Variants in MKRN1 observed in about 807,000 individuals in gnomAD.
MKRN1 encodes the protein makorin ring finger protein 1, also known as E3 ubiquitin-protein ligase makorin-1.
Under a neutral mutation model 55.5 loss-of-function variants are expected in MKRN1, and 9 were observed. The ratio of observed to expected loss-of-function variants is 0.16; its 90% CI spans 0.10 to 0.28. The LOEUF (loss-of-function observed/expected upper bound fraction) is 0.28. Among genes scored for constraint, MKRN1 ranks in the 10% least tolerant of loss-of-function variants. The pLI is 1.00. For missense variants in MKRN1, 488 were observed against 626.7 expected (o/e 0.78, Z 2.36); for synonymous variants, 253 against 235.9 (o/e 1.07, Z -0.66).
rs115927984 is a variant in MKRN1, at chr7:140,464,718, A to C, written c.315-4782T>G. Among the ~76,000 whole-genome samples the C allele has an allele frequency of 3.8e-3, 582 of 152,138 alleles. 3 individuals carry two copies. The highest frequency in any genetic ancestry group is 0.014 in the African/African-American group (560 of 41,460). On this transcript the variant is annotated intron_variant, in intron 2 of 7. Transcript: ENST00000255977. The stretch of plus-strand genomic sequence containing the variant: ...GAAACTCAGTCTCAAAAAAACAAAC[A>C]AACAAAACAAAACTCCCTGGTTTAA...
At chr7:140,476,510 GT>G (rs1246331250) in intron 1 of MKRN1, among the ~76,000 whole-genome samples, 2 of 141,974 alleles carry the variant, frequency 1.4e-5, no homozygotes, top group Non-Finnish European at 3.0e-5. Flanking sequence ...CATGTGTTCT[GT>G]TAAGTACTTT....
In MKRN1 at chr7:140,455,822, C is replaced by T; in HGVS notation, c.1065G>A (p.Gln355=). ...EYWVEEKEEK[Q]KLILKYKEAM... ...CCTCCTTGTATTTCAGAATGAGTTT[C>T]TGCTTCTCTTCTTTCTCCTCCACCC... The change falls in exon 6 of 8, where the codon CAG becomes CAA. Residue 355 remains glutamine (Q), a synonymous_variant. Coordinates refer to ENST00000255977, the MANE Select transcript of MKRN1 (RefSeq NM_013446.4). The T allele has an allele frequency of 6.2e-7, 1 of 1,613,960 alleles. No homozygotes were observed. Among genetic ancestry groups the T allele is most frequent in the Non-Finnish European group, 8.5e-7 (1 of 1,179,916 alleles).
At chr7:140,467,038 T>C (rs1436181993) in intron 2 of MKRN1, among the ~76,000 whole-genome samples, 1 of 151,332 alleles carries the variant, frequency 6.6e-6, no homozygotes, top group Non-Finnish European at 1.5e-5. Flanking sequence ...ACTGCAATGG[T>C]ACGATCTTGG....
intron 2 of MKRN1, among the ~76,000 whole-genome samples, chr7:140,465,124 C>T (rs1417570040): frequency 1.3e-5 from 2 of 152,144 alleles, no homozygotes; most frequent in African/African-American, 4.8e-5. Context: ...CAACTCCCAC[C>T]CCATTGCTTC....
intron 1 of MKRN1, among the ~76,000 whole-genome samples, chr7:140,477,701 G>A (rs1427559923): frequency 6.6e-6 from 1 of 151,990 alleles, no homozygotes; most frequent in East Asian, 1.9e-4. Context: ...CAGGCGATCC[G>A]CCCGCCTCAG....
chr7:140,479,225 C>T lies in MKRN1; in HGVS notation c.120G>A (p.Gly40=), dbSNP rs1408712595. 1.4e-6 allele frequency: 2 copies of T among 1,457,440 alleles called. No homozygotes were observed. The highest frequency in any genetic ancestry group is 1.5e-5 in the African/African-American group (1 of 67,104). The allele number at this position is 1,457,440 out of a possible 1,614,324, so 90.3% of individuals were successfully genotyped here. Residue 40 remains glycine, a synonymous_variant, in exon 1 of 8, where the codon GGG becomes GGA. Transcript: ENST00000255977. ...CGCTGCCGCCGCCCCCTCCGCCCGC[C>T]CCCAGGGACGGGGCGGTGACTGTGG... ...PIPTVTAPSL[G]AGGGGGGSDG... is the part of the protein sequence containing the mutation.
chr7:140,472,779 T>A (rs180887107), intron 1 of MKRN1, among the ~76,000 whole-genome samples: 1 of 151,288 alleles, frequency 6.6e-6, no homozygotes, highest in Non-Finnish European at 1.5e-5. Context: ...AATGTAATAA[T>A]AATACGCCTT....
chr7:140,470,883 C>CT (rs1487254248), intron 2 of MKRN1, among the ~76,000 whole-genome samples: 6 of 152,128 alleles, frequency 3.9e-5, no homozygotes. Context: ...TGCCACTGCA[C>CT]TCCAGCCTGG....
At chr7:140,458,089 T>A (rs991583763) in intron 4 of MKRN1, among the ~76,000 whole-genome samples, 2 of 152,204 alleles carry the variant, frequency 1.3e-5, no homozygotes, top group Non-Finnish European at 2.9e-5. Context: ...TGTAAAATCC[T>A]GCAGCCACTG....
rs779371407 is a variant in MKRN1 at position 140,472,021 on chromosome 7, G to A, written c.186-10C>T. ...CCCATGCATAAAATACCTGTGAGAC[G>A]AAAGACCACAAAACTGGATTAAAAC... is the stretch of plus-strand genomic sequence containing the variant. On this transcript the variant is annotated splice_polypyrimidine_tract_variant and intron_variant, in intron 1 of 7. Coordinates refer to ENST00000255977, the MANE Select transcript of MKRN1 (RefSeq NM_013446.4). 8.7e-6 allele frequency: 14 copies of A among 1,613,478 alleles called. No individual in the cohort carries two copies. The highest frequency in any genetic ancestry group is 1.6e-4 in the Middle Eastern group (1 of 6,084).
intron 2 of MKRN1, among the ~76,000 whole-genome samples, chr7:140,464,388 A>C (rs1404669773): frequency 6.6e-6 from 1 of 151,576 alleles, no homozygotes; most frequent in Non-Finnish European, 1.5e-5. Flanking sequence ...TGGATGACAG[A>C]GCAAGACTAT....
intron 2 of MKRN1, among the ~76,000 whole-genome samples, chr7:140,468,057 T>G (rs1053724521): frequency 9.7e-5 from 14 of 143,804 alleles, no homozygotes; most frequent in African/African-American, 3.6e-4. Context: ...CAATTTAACC[T>G]TCATTTTTTT....
chr7:140,460,002 T>TG, intron 2 of MKRN1, 66 bp from the exon 3 acceptor site: 1 of 1,340,742 alleles, frequency 7.5e-7, no homozygotes, highest in Non-Finnish European at 1.1e-6. Context: ...ATCCCAACAG[T>TG]TTGGGAAGCT....
At chr7:140,466,901 G>GGGCAA (rs1163351873) in intron 2 of MKRN1, among the ~76,000 whole-genome samples, 1 of 151,518 alleles carries the variant, frequency 6.6e-6, no homozygotes. Context: ...ACTCTAACCT[G>GGGCAA]GGCAAGAGGG....
Position 140,477,331 on chromosome 7 carries a change from TTG to T in MKRN1, c.185+1827_185+1828del, listed in dbSNP as rs869113475. Among the ~76,000 whole-genome samples the T allele has an allele frequency of 1.5e-3, 192 of 132,384 alleles. 3 individuals are homozygous for T. Among genetic ancestry groups the T allele is most frequent in the African/African-American group, 7.5e-3 (184 of 24,378 alleles). The allele number at this position is 132,384 out of a possible 152,430, so 86.8% of individuals were successfully genotyped here. ...TCTTTCTTTTCTTTCTTTTTCTTTT[TTG>T]TTTTTCTTCTGACAGAGTTTCACTT... On this transcript the variant is annotated intron_variant, in intron 1 of 7. Transcript: ENST00000255977.
Position 140,454,824 on chromosome 7 carries a change from A to G in MKRN1, c.1237-95T>C, listed in dbSNP as rs1470681676. On this transcript the variant is annotated intron_variant, in intron 7 of 7. Transcript: ENST00000255977. ...CAAAACGTCCAGCACACCAGAGGGC[A>G]TGACGAACCAGACTTCTTAGTTAGG... 4.6e-6 allele frequency: 6 copies of G among 1,294,344 alleles called. No homozygotes were observed. In the African/African-American group the frequency reaches 8.8e-5, roughly 19 times the overall value. 80.2% of individuals were successfully genotyped at this position (1,294,344 alleles called of 1,614,324 possible).
chr7:140,466,555 A>G (rs994104678), intron 2 of MKRN1, among the ~76,000 whole-genome samples: 2 of 152,134 alleles, frequency 1.3e-5, no homozygotes, highest in East Asian at 3.9e-4. Flanking sequence ...CTGTAATCCC[A>G]GCACTTTGGG....
intron 5 of MKRN1, chr7:140,456,321 G>C (rs1043532532): frequency 2.6e-5 from 32 of 1,209,568 alleles, no homozygotes; most frequent in South Asian, 1.2e-4. Context: ...TAGGAAAGTG[G>C]AAATGTAAAA....
At chr7:140,457,417 A>C (rs1794500056) in intron 4 of MKRN1, among the ~76,000 whole-genome samples, 1 of 152,204 alleles carries the variant, frequency 6.6e-6, no homozygotes, top group African/African-American at 2.4e-5. Flanking sequence ...TTTTGTGTGG[A>C]CATCATATTT....
Sources: gnomAD v4.1 joint callset for allele counts (sites outside exome capture counted in the v4.1 genomes callset) on GRCh38, gnomAD v4.1.1 for gene constraint, MANE v1.5 for transcripts, NCBI Gene and HGNC (gene_info 2026-07-23, HGNC 2026-07-21) for gene names.